The following PBX1 variants were observed in gnomAD, a reference collection of about 807,000 sequenced individuals.
The protein encoded by PBX1 is pre-B-cell leukemia transcription factor 1.
In PBX1, 6 loss-of-function variants were observed where a neutral mutation model predicts 53.4. The ratio of observed to expected loss-of-function variants is 0.11; its 90% CI spans 0.06 to 0.22. PBX1 has a LOEUF of 0.22. PBX1 is among the 10% of genes least tolerant of loss of function. The pLI is 1.00. For missense variants in PBX1, 251 were observed against 551.4 expected (o/e 0.46, Z 5.46); for synonymous variants, 204 against 212.3 (o/e 0.96, Z 0.34).
intron 2 of PBX1, chr1:164,674,847 G>GAC (rs1661328876): frequency 2.5e-5 from 1 of 40,616 alleles, no homozygotes; most frequent in African/African-American, 6.4e-5. Flanking sequence ...AGAAATCACA[G>GAC]CCCCCCCCCC....
intron 2 of PBX1, among the ~76,000 whole-genome samples, chr1:164,694,870 C>T (rs1662719368): frequency 6.6e-6 from 1 of 152,228 alleles, no homozygotes. Context: ...GTCAGGCACT[C>T]ACTATCTTTC....
intron 2 of PBX1, among the ~76,000 whole-genome samples, chr1:164,658,273 T>C (rs947891622): frequency 1.3e-5 from 2 of 152,090 alleles, no homozygotes; most frequent in African/African-American, 4.8e-5. Context: ...AAAGTGACCC[T>C]ATACCCCAAC....
At chr1:164,776,942 G>GA (rs749459325) in intron 2 of PBX1, among the ~76,000 whole-genome samples, 61 of 43,552 alleles carry the variant, frequency 1.4e-3, no homozygotes, top group East Asian at 7.9e-3. Flanking sequence ...TGTGGTGGGA[G>GA]GAGAGAGAGA....
intron 2 of PBX1, among the ~76,000 whole-genome samples, chr1:164,720,568 G>T (rs1183593677): frequency 1.3e-5 from 2 of 152,170 alleles, no homozygotes; most frequent in African/African-American, 4.8e-5. Flanking sequence ...AACCCTGGAG[G>T]CTTCTGACTT....
At position 164,601,666 on chromosome 1, in the gene PBX1, AC is replaced by A. The variant is rs534501967; in HGVS notation, c.265+38356del. ...GCATCTCACCTGTTCCACGCTTAGTACAAGCCCTTCTTCCCAGTCCCTGTCA... is the reference window on the plus strand; with the variant it reads ...GCATCTCACCTGTTCCACGCTTAGTAAAGCCCTTCTTCCCAGTCCCTGTCA... On this transcript the variant is annotated intron_variant, in intron 2 of 8. Coordinates refer to ENST00000420696, the MANE Select transcript of PBX1 (RefSeq NM_002585.4). Among the ~76,000 whole-genome samples the A allele has an allele frequency of 2.6e-3, 389 of 152,300 alleles. 3 individuals carry two copies. Among genetic ancestry groups the A allele is most frequent in the African/African-American group, 9.0e-3 (376 of 41,566 alleles).
At chr1:164,719,580 C>T (rs939857627) in intron 2 of PBX1, among the ~76,000 whole-genome samples, 14 of 152,028 alleles carry the variant, frequency 9.2e-5, no homozygotes, top group East Asian at 7.7e-4. Context: ...TACGGGGAGG[C>T]GCAGGCATTT....
At position 164,842,337 on chromosome 1, in the gene PBX1, C is replaced by T. The variant is rs577770081; in HGVS notation, c.1201-4247C>T. Among the ~76,000 whole-genome samples the T allele has an allele frequency of 7.2e-5, 11 of 152,298 alleles. No homozygotes were observed. In the South Asian group the frequency reaches 2.3e-3, roughly 32 times the overall value. Reference sequence around the variant, plus strand: ...CTCAAGAGCTAGCTCCCTCTACCTCCTCAGACAGGCATGTTTTGCATTACC... The same window carrying T: ...CTCAAGAGCTAGCTCCCTCTACCTCTTCAGACAGGCATGTTTTGCATTACC... On this transcript the variant is annotated intron_variant, in intron 8 of 8. Transcript: ENST00000420696.
intron 2 of PBX1, among the ~76,000 whole-genome samples, chr1:164,669,815 C>T (rs758131711): frequency 7.4e-4 from 113 of 152,160 alleles, no homozygotes; most frequent in Non-Finnish European, 1.3e-3. Flanking sequence ...CATGAAGTGT[C>T]TATTATTGCT....
chr1:164,845,822 G>T (rs1338142151), intron 8 of PBX1, among the ~76,000 whole-genome samples: 1 of 152,020 alleles, frequency 6.6e-6, no homozygotes, highest in East Asian at 1.9e-4. Flanking sequence ...TATGGCCTTG[G>T]CACCATTGTT....
At chr1:164,619,913 C>T (rs1657554811) in intron 2 of PBX1, among the ~76,000 whole-genome samples, 1 of 152,220 alleles carries the variant, frequency 6.6e-6, no homozygotes, top group African/African-American at 2.4e-5. Context: ...GTGGCCCATG[C>T]CTGTAATCCC....
At chr1:164,649,504 T>G (rs551916716) in intron 2 of PBX1, among the ~76,000 whole-genome samples, 1 of 152,214 alleles carries the variant, frequency 6.6e-6, no homozygotes, top group East Asian at 1.9e-4. Context: ...AATCTATCAG[T>G]TTTTTCCCCC....
chr1:164,766,050 A>G (rs866619720), intron 2 of PBX1, among the ~76,000 whole-genome samples: 2 of 152,208 alleles, frequency 1.3e-5, no homozygotes, highest in Non-Finnish European at 2.9e-5. Flanking sequence ...TCATTTGGCA[A>G]TCAGAAAAGC....
chr1:164,849,542 C>A lies in PBX1; in HGVS notation c.*2866C>A. The A allele has an allele frequency of 7.9e-7, 1 of 1,267,006 alleles. No individual in the cohort carries two copies. Among genetic ancestry groups the A allele is most frequent in the Non-Finnish European group, 1.1e-6 (1 of 933,552 alleles). The allele number at this position is 1,267,006 out of a possible 1,614,324, so 78.5% of individuals were successfully genotyped here. On this transcript the variant is annotated 3_prime_UTR_variant, in exon 9 of 9. Transcript: ENST00000420696. ...GAGAGCAAGATGCACCCCAGGATTT[C>A]TTCATTTTCTAATAGATGTGGGAGT...
At chr1:164,846,519 C>T in intron 8 of PBX1, 65 bp from the exon 9 acceptor site, 1 of 1,386,116 alleles carries the variant, frequency 7.2e-7, no homozygotes, top group Non-Finnish European at 1.0e-6. Context: ...GCCTCATTGT[C>T]ATTGTCTGCT....
At chr1:164,729,313 A>G (rs1664860106) in intron 2 of PBX1, among the ~76,000 whole-genome samples, 2 of 152,154 alleles carry the variant, frequency 1.3e-5, no homozygotes, top group South Asian at 4.1e-4. Flanking sequence ...TATGAAATGG[A>G]CAGATTCTGC....
chr1:164,764,234 A>C (rs1046979208), intron 2 of PBX1, among the ~76,000 whole-genome samples: 5 of 152,172 alleles, frequency 3.3e-5, no homozygotes, highest in Non-Finnish European at 5.9e-5. Flanking sequence ...TACAATACAC[A>C]CACACATCAT....
rs895170424 is a variant in PBX1 at position 164,779,188 on chromosome 1, C to T, written c.266-13306C>T. Among the ~76,000 whole-genome samples the T allele has an allele frequency of 3.3e-5, 5 of 151,932 alleles. No homozygotes were observed. The South Asian group carries it at 8.3e-4, about 25-fold the overall frequency. On this transcript the variant is annotated intron_variant, in intron 2 of 8. Transcript: ENST00000420696. ...TTAATTTCCATGAAAGAAAATATGG[C>T]GTATTTAGTTCTTCTCTACCACATT...
At chr1:164,704,227 A>G (rs1012951298) in intron 2 of PBX1, among the ~76,000 whole-genome samples, 1 of 152,224 alleles carries the variant, frequency 6.6e-6, no homozygotes, top group Admixed American at 6.5e-5. Context: ...GATAATAACT[A>G]TAAAGAAGAC....
intron 2 of PBX1, among the ~76,000 whole-genome samples, chr1:164,789,019 C>T (rs1051233202): frequency 2.0e-5 from 3 of 152,046 alleles, no homozygotes; most frequent in Admixed American, 6.5e-5. Context: ...CTTTCTTGCC[C>T]CAGCCAACCC....
Sources: gnomAD v4.1 joint callset for allele counts (sites outside exome capture counted in the v4.1 genomes callset) on GRCh38, gnomAD v4.1.1 for gene constraint, MANE v1.5 for transcripts, NCBI Gene and HGNC (gene_info 2026-07-23, HGNC 2026-07-21) for gene names.